MAPK10: variants seen among roughly 807,000 people sequenced by gnomAD.
MAPK10 encodes JNK3 alpha protein kinase.
In MAPK10, 25 loss-of-function variants were observed where a neutral mutation model predicts 59.3. The observed-to-expected ratio is 0.42, with a 90% CI of 0.31 to 0.59. MAPK10 has a LOEUF of 0.59. Among genes scored for constraint, MAPK10 ranks in the 20% least tolerant of loss-of-function variants. MAPK10 has a pLI of 0.15. For synonymous variants in MAPK10, 190 were observed against 200.5 expected, an observed-to-expected ratio of 0.95 and a Z score of 0.44; for missense variants, 351 against 568.9, an observed-to-expected ratio of 0.62 and a Z score of 3.90.
chr4:86,223,882 C>T (rs897988059), intron 2 of MAPK10, among the ~76,000 whole-genome samples: 2 of 152,312 alleles, frequency 1.3e-5, no homozygotes, highest in Admixed American at 6.5e-5. Flanking sequence ...ACATGCCCTG[C>T]TCTCCCCAGA....
chr4:86,484,754 AC>A (rs1240340060), intron 1 of MAPK10, among the ~76,000 whole-genome samples: 1 of 151,132 alleles, frequency 6.6e-6, no homozygotes, highest in Non-Finnish European at 1.5e-5. Context: ...TTAAAAAAAA[AC>A]TGAAACTTAA....
intron 1 of MAPK10, among the ~76,000 whole-genome samples, chr4:86,387,898 C>T (rs767332132): frequency 2.6e-5 from 4 of 151,382 alleles, no homozygotes; most frequent in Non-Finnish European, 5.9e-5. Flanking sequence ...GGCTTTAAGA[C>T]AGTTACTTAG....
chr4:86,508,961 A>G (rs1756001043), intron 1 of MAPK10, among the ~76,000 whole-genome samples: 1 of 152,162 alleles, frequency 6.6e-6, no homozygotes, highest in East Asian at 1.9e-4. Context: ...TGAAGTCCCC[A>G]ACCTTGTTTT....
chr4:86,170,386 AC>A (rs1280197382), intron 3 of MAPK10, among the ~76,000 whole-genome samples: 1 of 152,168 alleles, frequency 6.6e-6, no homozygotes, highest in Non-Finnish European at 1.5e-5. Context: ...CAAATGGAAA[AC>A]AAAAAAAGGC....
chr4:86,306,847 G>A (rs901898030), intron 2 of MAPK10, among the ~76,000 whole-genome samples: 7 of 152,156 alleles, frequency 4.6e-5, no homozygotes, highest in Admixed American at 6.5e-5. Context: ...GAGTACTAAT[G>A]TTGCAATAAT....
At chr4:86,398,340 C>G (rs1487691000) in intron 1 of MAPK10, among the ~76,000 whole-genome samples, 2 of 152,088 alleles carry the variant, frequency 1.3e-5, no homozygotes, top group Non-Finnish European at 2.9e-5. Context: ...AGGGAACCAA[C>G]TCATTTGCAT....
rs549942141 is a variant in MAPK10 at position 86,566,289 on chromosome 4, G to A, written c.-263+27621C>T. ...CTCAAATACTACCCCTGATAATAAT[G>A]TTGGTGTGATGATAGTGGATCTATG... On this transcript the variant is annotated intron_variant, in intron 1 of 4. Coordinates refer to the MAPK10 transcript ENST00000502302. Among the ~76,000 whole-genome samples the A allele has an allele frequency of 3.3e-5, 5 of 152,286 alleles. No homozygotes were observed. In the East Asian group the frequency reaches 9.6e-4, roughly 29 times the overall value.
At chr4:86,593,504 C>G (rs1038124921) in intron 1 of MAPK10, among the ~76,000 whole-genome samples, 1 of 152,102 alleles carries the variant, frequency 6.6e-6, no homozygotes, top group East Asian at 1.9e-4. Context: ...CTGGATATAC[C>G]TTGGCCAAAT....
chr4:86,346,530 G>A (rs1728315272), intron 2 of MAPK10, among the ~76,000 whole-genome samples: 1 of 152,106 alleles, frequency 6.6e-6, no homozygotes. Flanking sequence ...ATGTGAAACT[G>A]CAGACACAAA....
intron 9 of MAPK10, chr4:86,089,529 G>T: frequency 5.6e-6 from 2 of 358,736 alleles, no homozygotes; most frequent in Non-Finnish European, 1.0e-5. Flanking sequence ...ATATTACTTT[G>T]CAATTATAAC....
chr4:86,517,018 T>A (rs1756720211), intron 1 of MAPK10, among the ~76,000 whole-genome samples: 1 of 152,194 alleles, frequency 6.6e-6, no homozygotes, highest in African/African-American at 2.4e-5. Context: ...TGTCAACTTT[T>A]CCCCATTTGT....
intron 1 of MAPK10, among the ~76,000 whole-genome samples, chr4:86,415,372 A>G (rs966625906): frequency 6.6e-6 from 1 of 152,158 alleles, no homozygotes; most frequent in Admixed American, 6.5e-5. Flanking sequence ...CTTCAGAATT[A>G]TAATTCTTTT....
chr4:86,051,501 T>C (rs1167924982), intron 11 of MAPK10, among the ~76,000 whole-genome samples: 1 of 152,206 alleles, frequency 6.6e-6, no homozygotes, highest in Non-Finnish European at 1.5e-5. Flanking sequence ...AGACTTGTGG[T>C]CTATGTAGAG....
chr4:86,398,016 C>T (rs1743191472), intron 1 of MAPK10, among the ~76,000 whole-genome samples: 1 of 151,908 alleles, frequency 6.6e-6, no homozygotes, highest in African/African-American at 2.4e-5. Context: ...TCCACTCTAT[C>T]TGTATCCCAA....
At chr4:86,386,143 G>C (rs1039759451) in intron 1 of MAPK10, among the ~76,000 whole-genome samples, 2 of 152,110 alleles carry the variant, frequency 1.3e-5, no homozygotes, top group African/African-American at 4.8e-5. Flanking sequence ...GAGGGAAATG[G>C]GGGGGAATCA....
chr4:86,019,988 C>T (rs1044774488), intron 13 of MAPK10, among the ~76,000 whole-genome samples: 2 of 152,094 alleles, frequency 1.3e-5, no homozygotes, highest in East Asian at 3.8e-4. Context: ...TTTCATGATT[C>T]AGTGTTTTTT....
rs1383837847 is a variant in MAPK10 at position 86,318,129 on chromosome 4, A to G, written c.-7+36401T>C. On this transcript the variant is annotated intron_variant, in intron 2 of 13. Coordinates refer to ENST00000641462, the MANE Select transcript of MAPK10 (RefSeq NM_138982.4). Reference sequence around the variant, plus strand: ...AGTAGGACCTCATCTTAACCTGATTACATCTCCAAAGACCGTCTCTCCAAA... The same window carrying G: ...AGTAGGACCTCATCTTAACCTGATTGCATCTCCAAAGACCGTCTCTCCAAA... 4.6e-5 allele frequency among the ~76,000 whole-genome samples: 7 copies of G among 152,174 alleles called. 1 individual carries two copies. The highest frequency in any genetic ancestry group is 1.4e-4 in the African/African-American group (6 of 41,432).
At chr4:86,463,712 G>T (rs1394113649) in intron 1 of MAPK10, among the ~76,000 whole-genome samples, 1 of 152,114 alleles carries the variant, frequency 6.6e-6, no homozygotes, top group Admixed American at 6.5e-5. Context: ...GACATTAATT[G>T]GATATGACCT....
At position 86,533,808 on chromosome 4, in the gene MAPK10, C is replaced by A. The variant is rs576242377; in HGVS notation, c.-263+60102G>T. ...TAAAATATTGCTTCCTATTCACTAT[C>A]CCACTGTTGGACTTCCCACCTCTGT... is the stretch of plus-strand genomic sequence containing the variant. On this transcript the variant is annotated intron_variant, in intron 1 of 4. Transcript: ENST00000502302. Among the ~76,000 whole-genome samples the A allele has an allele frequency of 3.3e-5, 5 of 152,328 alleles. No homozygotes were observed. The South Asian group carries it at 1.0e-3, about 32-fold the overall frequency.
Sources: gnomAD v4.1 joint callset for allele counts (sites outside exome capture counted in the v4.1 genomes callset) on GRCh38, gnomAD v4.1.1 for gene constraint, MANE v1.5 for transcripts, NCBI Gene and HGNC (gene_info 2026-07-23, HGNC 2026-07-21) for gene names.